The following SMAD9 variants were observed in gnomAD, a reference collection of about 807,000 sequenced individuals.
SMAD9 encodes the protein MAD homolog 9.
A neutral mutation model predicts 46.1 loss-of-function variants in SMAD9; 36 were observed. That is an observed-to-expected ratio of 0.78 (90% CI 0.60 to 1.03). The LOEUF (loss-of-function observed/expected upper bound fraction) is 1.03. Ranked by LOEUF, SMAD9 falls within the 50% of genes least tolerant of loss-of-function variation. The pLI is 0.00. For synonymous variants in SMAD9, 245 were observed against 237.1 expected (o/e 1.03, Z -0.31); for missense variants, 572 against 599.8 (o/e 0.95, Z 0.48).
chr13:36,879,592 C>A lies in SMAD9; in HGVS notation c.98G>T (p.Trp33Leu). Residue 33 changes from tryptophan (W) to leucine (L), a missense_variant, in exon 2 of 7, where the codon TGG becomes TTG. By Grantham distance (61) the Trp-to-Leu change is moderately conservative (BLOSUM62 -2). Transcript: ENST00000379826. ...TAGAGAGTCCACTGCCTTCTCTGCC[C>A]ACTTTTCCTCTTCATCTCCTTGCTT... ...GWKQGDEEEKWAEKAVDSLVK... is the reference protein window; with the variant it reads ...GWKQGDEEEKLAEKAVDSLVK... The A allele has an allele frequency of 6.2e-7, 1 of 1,614,192 alleles. No homozygotes were observed. Among genetic ancestry groups the A allele is most frequent in the Non-Finnish European group, 8.5e-7 (1 of 1,180,034 alleles).
chr13:36,862,754 A>C (rs547646362), intron 5 of SMAD9, among the ~76,000 whole-genome samples: 2 of 152,276 alleles, frequency 1.3e-5, no homozygotes, highest in South Asian at 4.1e-4. Flanking sequence ...AGTTCCAAGA[A>C]TCTTCTCTTG....
At chr13:36,909,889 G>A (rs678428) in intron 1 of SMAD9, among the ~76,000 whole-genome samples, 142,336 of 152,260 alleles carry the variant, frequency 0.93, 66,672 homozygotes, top group Middle Eastern at 0.98. Context: ...TGGGAGTTAA[G>A]AGGTGCCCCA....
intron 1 of SMAD9, among the ~76,000 whole-genome samples, chr13:36,902,821 T>C (rs888346423): frequency 2.9e-4 from 44 of 152,182 alleles, no homozygotes; most frequent in African/African-American, 9.7e-4. Context: ...TTTCTTTCCC[T>C]AGCACAATAC....
rs1183207460 is a variant in SMAD9, at chr13:36,853,642, T to C, written c.1037A>G (p.Tyr346Cys). The C allele has an allele frequency of 6.2e-7, 1 of 1,614,084 alleles. No individual in the cohort carries two copies. The highest frequency in any genetic ancestry group is 2.2e-5 in the East Asian group (1 of 44,866). ...VHLYYVGGEV[Y>C]AECVSDSSIF... ...GCTGCTGTCACTCACGCACTCGGCA[T>C]ACACCTCTCCCCCGACGTAGTACAA... The change falls in exon 6 of 7, where the codon TAT (tyrosine) becomes TGT (cysteine). Residue 346 changes from tyrosine (Y) to cysteine (C), a missense_variant. Coordinates refer to ENST00000379826, the MANE Select transcript of SMAD9 (RefSeq NM_001127217.3).
At chr13:36,899,609 G>GT (rs2058557140) in intron 1 of SMAD9, among the ~76,000 whole-genome samples, 2 of 152,164 alleles carry the variant, frequency 1.3e-5, no homozygotes, top group Non-Finnish European at 2.9e-5. Flanking sequence ...GATTTACTGA[G>GT]TCTGAGGTAG....
chr13:36,918,010 T>A (rs961797086), intron 1 of SMAD9, among the ~76,000 whole-genome samples: 7 of 152,210 alleles, frequency 4.6e-5, no homozygotes, highest in Non-Finnish European at 1.0e-4. Context: ...GTACCACTTG[T>A]TTATTACTTA....
chr13:36,847,169 C>A lies in SMAD9; in HGVS notation c.*1507G>T, dbSNP rs978892490. 11 of 152,174 alleles carry A rather than the reference C, an allele frequency of 7.2e-5. No homozygotes were observed. The highest frequency in any genetic ancestry group is 2.7e-4 in the African/African-American group (11 of 41,418). The allele number at this position is 152,174 out of a possible 1,614,324, so 9.4% of individuals were successfully genotyped here. On this transcript the variant is annotated 3_prime_UTR_variant, in exon 7 of 7. Coordinates refer to ENST00000379826, the MANE Select transcript of SMAD9 (RefSeq NM_001127217.3). Reference sequence around the variant, plus strand: ...CAATCATATATCTTTCTCACATGATCATTTCTACCTTGAATACAATTTAAT... The same window carrying A: ...CAATCATATATCTTTCTCACATGATAATTTCTACCTTGAATACAATTTAAT...
chr13:36,882,623 G>A (rs191555272), intron 1 of SMAD9, among the ~76,000 whole-genome samples: 1 of 152,284 alleles, frequency 6.6e-6, no homozygotes, highest in African/African-American at 2.4e-5. Context: ...AGGCCCCAAA[G>A]AGTTAAACTT....
intron 2 of SMAD9, among the ~76,000 whole-genome samples, chr13:36,873,692 G>A (rs4941850): frequency 0.044 from 6,627 of 152,078 alleles, 345 homozygotes; most frequent in East Asian, 0.18. Flanking sequence ...GTGAAACCCC[G>A]TCTCTATTAA....
chr13:36,859,595 A>G (rs2058159827), intron 5 of SMAD9, among the ~76,000 whole-genome samples: 1 of 152,230 alleles, frequency 6.6e-6, no homozygotes. Flanking sequence ...GAACATGGTA[A>G]CATCAGGAAG....
intron 2 of SMAD9, 66 bp from the exon 3 acceptor site, chr13:36,872,981 T>C: frequency 1.3e-6 from 2 of 1,557,554 alleles, no homozygotes; most frequent in Non-Finnish European, 1.8e-6. Context: ...ACAGAGTGGA[T>C]ACTTGCTGTT....
intron 5 of SMAD9, among the ~76,000 whole-genome samples, chr13:36,856,151 C>A (rs1315713055): frequency 6.6e-6 from 1 of 152,128 alleles, no homozygotes; most frequent in African/African-American, 2.4e-5. Context: ...CCGCCTCTTA[C>A]AACAACCCCT....
chr13:36,875,595 T>C (rs1228512940), intron 2 of SMAD9, among the ~76,000 whole-genome samples: 1 of 152,222 alleles, frequency 6.6e-6, no homozygotes, highest in African/African-American at 2.4e-5. Flanking sequence ...ATGTGCCTCA[T>C]GAATAGTCTG....
At chr13:36,855,974 C>G (rs2058119973) in intron 5 of SMAD9, among the ~76,000 whole-genome samples, 2 of 152,274 alleles carry the variant, frequency 1.3e-5, no homozygotes, top group Admixed American at 1.3e-4. Context: ...TCTCCCTCCT[C>G]TATCTCATCG....
At chr13:36,904,645 C>T (rs565160965) in intron 1 of SMAD9, among the ~76,000 whole-genome samples, 2 of 152,366 alleles carry the variant, frequency 1.3e-5, no homozygotes, top group South Asian at 4.1e-4. Flanking sequence ...ACAGCTCAGA[C>T]ATCCCAGGAC....
chr13:36,865,457 G>C, intron 5 of SMAD9, 80 bp downstream of exon 5: 1 of 1,146,432 alleles, frequency 8.7e-7, no homozygotes. Context: ...CAACATGTGA[G>C]GGTGGTCACG....
intron 3 of SMAD9, among the ~76,000 whole-genome samples, chr13:36,869,556 G>C (rs2058268851): frequency 6.6e-6 from 1 of 152,092 alleles, no homozygotes. Flanking sequence ...AAATGGGCTG[G>C]GTGCAGTGGA....
At chr13:36,906,897 T>A (rs979190387) in intron 1 of SMAD9, among the ~76,000 whole-genome samples, 1 of 152,204 alleles carries the variant, frequency 6.6e-6, no homozygotes, top group Admixed American at 6.5e-5. Context: ...AGCCAGTAAC[T>A]GCACTCCTAA....
chr13:36,906,898 G>A (rs1173050005), intron 1 of SMAD9, among the ~76,000 whole-genome samples: 4 of 152,158 alleles, frequency 2.6e-5, no homozygotes. Context: ...GCCAGTAACT[G>A]CACTCCTAAT....
Sources: gnomAD v4.1 joint callset for allele counts (sites outside exome capture counted in the v4.1 genomes callset) on GRCh38, gnomAD v4.1.1 for gene constraint, MANE v1.5 for transcripts, NCBI Gene and HGNC (gene_info 2026-07-23, HGNC 2026-07-21) for gene names.